HK2: variants seen among roughly 807,000 people sequenced by gnomAD.
HK2 encodes the protein hexokinase-2.
HK2 carries 42 observed loss-of-function variants against 92.9 expected under a neutral mutation model. That is an observed-to-expected ratio of 0.45 (90% CI 0.35 to 0.58). HK2 has a LOEUF of 0.58. HK2 is among the 20% of genes least tolerant of loss of function. The pLI is 0.00. For synonymous variants in HK2, 422 were observed against 468.0 expected (o/e 0.90, Z 1.27); for missense variants, 978 against 1,245.1 (o/e 0.79, Z 3.23).
chr2:74,880,458 G>A lies in HK2; in HGVS notation c.1459G>A (p.Val487Ile). ...LQLSHDQLLEVKRRMKVEMER... is the reference protein window; with the variant it reads ...LQLSHDQLLEIKRRMKVEMER... ...GCTGAGCCATGACCAGCTGCTGGAG[G>A]TCAAGAGGAGGATGAAGGTAGAAAT... The change falls in exon 10 of 18, where the codon GTC becomes ATC. Residue 487 changes from valine (V) to isoleucine (I), a missense_variant. Val to Ile is a conservative substitution (Grantham distance 29). Coordinates refer to ENST00000290573, the MANE Select transcript of HK2 (RefSeq NM_000189.5). The A allele has an allele frequency of 1.2e-6, 2 of 1,614,226 alleles. No individual in the cohort carries two copies. The highest frequency in any genetic ancestry group is 1.1e-5 in the South Asian group (1 of 91,088).
intron 11 of HK2, 115 bp from the exon 12 acceptor site, chr2:74,882,005 C>A: frequency 7.0e-7 from 1 of 1,428,898 alleles, no homozygotes; most frequent in Non-Finnish European, 9.9e-7. Context: ...AGGTTTGTGC[C>A]TGAGCCTGCA....
chr2:74,887,434 ATGGGGGC>A (rs113126820), intron 15 of HK2, among the ~76,000 whole-genome samples: 26,725 of 151,538 alleles, frequency 0.18, 2,397 homozygotes, highest in Non-Finnish European at 0.18. Flanking sequence ...AGTGGCCAGG[ATGGGGGC>A]CCTACAGCTG....
chr2:74,885,845 A>AACACACACACACACACACACACACAC lies in HK2; in HGVS notation c.1935+272_1935+297dup, dbSNP rs71406901. Among the ~76,000 whole-genome samples the AACACACACACACACACACACACACAC allele has an allele frequency of 2.6e-4, 34 of 129,150 alleles. No homozygotes were observed. The East Asian group carries it at 2.7e-3, about 10-fold the overall frequency. 84.7% of individuals were successfully genotyped at this position (129,150 alleles called of 152,430 possible). ...TGGCAGGTGCTGTTAAGAGCTGTGAAACACACACACACACACACACACACA... is the reference window on the plus strand; with the variant it reads ...TGGCAGGTGCTGTTAAGAGCTGTGAAACACACACACACACACACACACACACACACACACACACACACACACACACA... On this transcript the variant is annotated intron_variant, in intron 13 of 17. Transcript: ENST00000290573.
intron 2 of HK2, among the ~76,000 whole-genome samples, chr2:74,864,145 C>A (rs62146688): frequency 1.3e-4 from 20 of 152,094 alleles, no homozygotes; most frequent in Non-Finnish European, 2.9e-5. Context: ...TGGCAGCAGC[C>A]CTTGAGCTGC....
At chr2:74,845,387 C>T (rs147525210) in intron 1 of HK2, among the ~76,000 whole-genome samples, 1 of 152,374 alleles carries the variant, frequency 6.6e-6, no homozygotes, top group Non-Finnish European at 1.5e-5. Context: ...CATAATCCCC[C>T]TTTGCTCTGC....
chr2:74,839,951 CTTTTTTTTTTTTT>C (rs773321768), intron 1 of HK2, among the ~76,000 whole-genome samples: 9 of 97,052 alleles, frequency 9.3e-5, no homozygotes, highest in Non-Finnish European at 1.9e-4. Flanking sequence ...TGCGCCTGGC[CTTTTTTTTTTTTT>C]TTTTTTTTTG....
chr2:74,865,777 C>T (rs1688931329), intron 2 of HK2, among the ~76,000 whole-genome samples: 2 of 152,110 alleles, frequency 1.3e-5, no homozygotes, highest in African/African-American at 4.8e-5. Context: ...CAGGTTTCTG[C>T]AATCCCTTCT....
At chr2:74,884,715 C>G (rs939665987) in intron 12 of HK2, among the ~76,000 whole-genome samples, 3 of 152,198 alleles carry the variant, frequency 2.0e-5, no homozygotes, top group African/African-American at 7.2e-5. Context: ...GGAAGCCGAG[C>G]TCTTGGGTAA....
chr2:74,873,687 A>C (rs140124278), intron 5 of HK2, among the ~76,000 whole-genome samples, 157 bp from the exon 6 acceptor site: 2,123 of 151,768 alleles, frequency 0.014, 38 homozygotes, highest in African/African-American at 0.037. Flanking sequence ...TCAGAGAGAG[A>C]ATGAATTAAA....
chr2:74,874,253 C>G lies in HK2; in HGVS notation c.692-13C>G. 1 of 1,614,142 alleles carries G rather than the reference C, an allele frequency of 6.2e-7. No individual in the cohort carries two copies. Among genetic ancestry groups the G allele is most frequent in the Non-Finnish European group, 8.5e-7 (1 of 1,180,032 alleles). On this transcript the variant is annotated splice_polypyrimidine_tract_variant and intron_variant, in intron 6 of 17. Transcript: ENST00000290573. The stretch of plus-strand genomic sequence containing the variant: ...GGAGCAGGCGTGTGCATAGCCGTCC[C>G]TTGTTTTGGCAGGCACGGGCAGCAA...
chr2:74,861,022 A>G (rs375450114), intron 2 of HK2, among the ~76,000 whole-genome samples: 3 of 152,108 alleles, frequency 2.0e-5, no homozygotes, highest in East Asian at 1.9e-4. Flanking sequence ...CTGTGCCACA[A>G]CCCTGCGTGT....
intron 1 of HK2, among the ~76,000 whole-genome samples, chr2:74,843,970 CTAT>C (rs887613016): frequency 1.1e-4 from 16 of 152,204 alleles, no homozygotes; most frequent in African/African-American, 3.9e-4. Context: ...CTGTTATTAT[CTAT>C]TATTCAAATG....
chr2:74,864,630 C>T (rs1450888335), intron 2 of HK2, among the ~76,000 whole-genome samples: 2 of 152,152 alleles, frequency 1.3e-5, no homozygotes, highest in African/African-American at 4.8e-5. Flanking sequence ...CCTCAGCCTC[C>T]CAAGTAACTG....
intron 12 of HK2, among the ~76,000 whole-genome samples, chr2:74,883,015 C>T (rs1340814680): frequency 6.6e-6 from 1 of 152,144 alleles, no homozygotes; most frequent in Non-Finnish European, 1.5e-5. Flanking sequence ...ATCTGGCACT[C>T]CCAGATGTTC....
intron 12 of HK2, 82 bp downstream of exon 12, chr2:74,882,321 A>G: frequency 6.2e-7 from 1 of 1,602,572 alleles, no homozygotes; most frequent in Non-Finnish European, 8.5e-7. Context: ...CAGGGGAGAA[A>G]GTTGAGCTAA....
chr2:74,885,363 G>T (rs530191638), intron 12 of HK2, 131 bp from the exon 13 acceptor site: 3 of 719,068 alleles, frequency 4.2e-6, no homozygotes, highest in South Asian at 1.5e-5. Context: ...TAATTTGCGG[G>T]TGAGATGATT....
intron 1 of HK2, among the ~76,000 whole-genome samples, chr2:74,839,863 A>G (rs1430061630): frequency 6.6e-6 from 1 of 150,748 alleles, no homozygotes; most frequent in Non-Finnish European, 1.5e-5. Flanking sequence ...CATGTTGACC[A>G]GGATGGTCTC....
At chr2:74,837,545 A>G (rs1688196072) in intron 1 of HK2, among the ~76,000 whole-genome samples, 2 of 151,996 alleles carry the variant, frequency 1.3e-5, no homozygotes, top group South Asian at 4.1e-4. Context: ...GCCAGACTGG[A>G]TCATTTCAGG....
chr2:74,866,998 C>T (rs3771770), intron 2 of HK2, among the ~76,000 whole-genome samples: 26,339 of 151,948 alleles, frequency 0.17, 2,822 homozygotes, highest in Admixed American at 0.31. Flanking sequence ...AATTTAATAC[C>T]GTGCTTGCAA....
Sources: gnomAD v4.1 joint callset for allele counts (sites outside exome capture counted in the v4.1 genomes callset) on GRCh38, gnomAD v4.1.1 for gene constraint, MANE v1.5 for transcripts, NCBI Gene and HGNC (gene_info 2026-07-23, HGNC 2026-07-21) for gene names.